KLHDC1: variants seen among roughly 807,000 people sequenced by gnomAD.
KLHDC1 encodes kelch domain-containing protein 1.
In KLHDC1, 53 loss-of-function variants were observed where a neutral mutation model predicts 68.3. The ratio of observed to expected loss-of-function variants is 0.78; its 90% CI spans 0.62 to 0.98. KLHDC1 has a LOEUF of 0.98. Ranked by LOEUF, KLHDC1 falls within the 50% of genes least tolerant of loss-of-function variation. The probability of loss-of-function intolerance (pLI) is 0.00; values close to 1 mark genes in which losing one functional copy is unlikely to be tolerated. For missense variants in KLHDC1, 470 were observed against 492.3 expected (o/e 0.95, Z 0.43); for synonymous variants, 148 against 159.0 (o/e 0.93, Z 0.52).
At chr14:49,747,757 A>G (rs972982672) in intron 12 of KLHDC1, among the ~76,000 whole-genome samples, 2 of 152,146 alleles carry the variant, frequency 1.3e-5, no homozygotes, top group East Asian at 3.9e-4. Flanking sequence ...GATATATAAC[A>G]AAGTAGCACG....
At chr14:49,709,071 T>G in intron 1 of KLHDC1, 88 bp from the exon 2 acceptor site, 1 of 627,604 alleles carries the variant, frequency 1.6e-6, no homozygotes, top group Non-Finnish European at 2.8e-6. Flanking sequence ...TTATAGTATT[T>G]TATTAGCAAT....
At chr14:49,741,001 C>A (rs1008079407) in intron 11 of KLHDC1, among the ~76,000 whole-genome samples, 3 of 151,784 alleles carry the variant, frequency 2.0e-5, no homozygotes, top group African/African-American at 7.3e-5. Context: ...GGCTGAGGCA[C>A]GAGAATCACT....
rs147258409 is a variant in KLHDC1 at position 49,718,534 on chromosome 14, G to A, written c.405-5340G>A. 3.0e-3 allele frequency among the ~76,000 whole-genome samples: 460 copies of A among 152,046 alleles called. 3 individuals are homozygous for A. The highest frequency in any genetic ancestry group is 9.1e-3 in the African/African-American group (378 of 41,468). ...GGACTCAGGCAATCTGCCTACCTCC[G>A]CCTCCCAAAGTGCTGGGATTACAGG... On this transcript the variant is annotated intron_variant, in intron 4 of 12. Coordinates refer to ENST00000359332, the MANE Select transcript of KLHDC1 (RefSeq NM_172193.3).
rs201507697 is a variant in KLHDC1, at chr14:49,740,166, T to G, written c.965T>G (p.Leu322Ter). ...GTATTTGGTGGGAGCAAAGATGACTTACTTGCCTTGGATACAGTAAGAAAA... is the reference window on the plus strand; with the variant it reads ...GTATTTGGTGGGAGCAAAGATGACTGACTTGCCTTGGATACAGTAAGAAAA... ...IMVFGGSKDD[L>*]LALDTGHCND... Residue 322 changes from leucine (L) to a stop codon, truncating the protein, a stop_gained, in exon 11 of 13, where the codon TTA (leucine) becomes TGA (stop). Transcript: ENST00000359332. LOFTEE classifies it high-confidence loss of function. 8 of 1,605,792 alleles carry G rather than the reference T, an allele frequency of 5.0e-6. No individual in the cohort carries two copies. Among genetic ancestry groups the G allele is most frequent in the African/African-American group, 2.7e-5 (2 of 74,728 alleles).
chr14:49,721,158 T>G (rs919559873), intron 4 of KLHDC1, among the ~76,000 whole-genome samples: 2 of 152,126 alleles, frequency 1.3e-5, no homozygotes, highest in African/African-American at 4.8e-5. Flanking sequence ...GCCACTTTTT[T>G]GTGCCTTTTG....
chr14:49,709,878 C>T (rs1181584606), intron 3 of KLHDC1, 52 bp downstream of exon 3: 7 of 804,278 alleles, frequency 8.7e-6, no homozygotes, highest in Non-Finnish European at 1.2e-5. Context: ...TTTAATGCAT[C>T]ATTTCATCTC....
chr14:49,718,738 T>A (rs1888442268), intron 4 of KLHDC1, among the ~76,000 whole-genome samples: 1 of 151,552 alleles, frequency 6.6e-6, no homozygotes. Context: ...CAACTTTTGT[T>A]TTGTTGTTTT....
chr14:49,712,157 A>G (rs903489717), intron 4 of KLHDC1, among the ~76,000 whole-genome samples: 11 of 151,870 alleles, frequency 7.2e-5, no homozygotes, highest in African/African-American at 2.7e-4. Flanking sequence ...TGACCTCGTG[A>G]TCCACCCGCT....
At chr14:49,748,791 G>T (rs953624778) in intron 12 of KLHDC1, among the ~76,000 whole-genome samples, 3 of 151,284 alleles carry the variant, frequency 2.0e-5, no homozygotes, top group African/African-American at 4.9e-5. Context: ...TATACTGAGA[G>T]AAATTTTTTT....
chr14:49,733,435 T>C (rs1359394338), intron 9 of KLHDC1, among the ~76,000 whole-genome samples: 4 of 151,260 alleles, frequency 2.6e-5, no homozygotes, highest in Admixed American at 6.6e-5. Flanking sequence ...CTTTTCTTTT[T>C]TTTTTTTTTT....
chr14:49,738,692 G>A (rs1263003099), intron 10 of KLHDC1, among the ~76,000 whole-genome samples: 1 of 152,060 alleles, frequency 6.6e-6, no homozygotes, highest in South Asian at 2.1e-4. Flanking sequence ...CAGCTACTGG[G>A]TACAGAACAC....
At chr14:49,749,655 G>A (rs189484235) in intron 12 of KLHDC1, among the ~76,000 whole-genome samples, 6 of 134,242 alleles carry the variant, frequency 4.5e-5, no homozygotes, top group East Asian at 2.2e-4. Flanking sequence ...TCCAGCCTGC[G>A]CAACAGAGTG....
intron 4 of KLHDC1, among the ~76,000 whole-genome samples, chr14:49,718,769 CTTTTTTTTTTTTTTTT>C (rs71115397): frequency 2.6e-5 from 2 of 76,846 alleles, no homozygotes; most frequent in Admixed American, 1.8e-4. Flanking sequence ...TTCTTTCTTT[CTTTTTTTTTTTTTTTT>C]TTTTTTTTTG....
intron 6 of KLHDC1, among the ~76,000 whole-genome samples, chr14:49,727,822 G>A (rs1949525164): frequency 6.6e-6 from 1 of 152,164 alleles, no homozygotes. Flanking sequence ...AAAAGTTTAG[G>A]AAGTTATGAT....
At chr14:49,712,320 T>C (rs1252353060) in intron 4 of KLHDC1, among the ~76,000 whole-genome samples, 1 of 152,200 alleles carries the variant, frequency 6.6e-6, no homozygotes, top group Non-Finnish European at 1.5e-5. Context: ...AACCATGTCA[T>C]TTGGCTATAG....
rs977832912 is a variant in KLHDC1 at position 49,752,435 on chromosome 14, A to G, written c.*663A>G. 6.6e-6 allele frequency: 1 copy of G among 152,572 alleles called. No individual in the cohort carries two copies. The highest frequency in any genetic ancestry group is 2.4e-5 in the African/African-American group (1 of 41,472). 9.5% of individuals were successfully genotyped at this position (152,572 alleles called of 1,614,324 possible). ...ATTAGTTTGTCTAGTTTATATATAA[A>G]GACCATGTTTTAAAGTACATAAAGT... is the stretch of plus-strand genomic sequence containing the variant. On this transcript the variant is annotated 3_prime_UTR_variant, in exon 13 of 13. Transcript: ENST00000359332.
intron 1 of KLHDC1, among the ~76,000 whole-genome samples, 199 bp downstream of exon 1, chr14:49,693,489 A>G (rs150195421): frequency 2.6e-5 from 4 of 151,818 alleles, no homozygotes; most frequent in African/African-American, 4.8e-5. Context: ...TGCTTCTTCT[A>G]TTAAAGCCTC....
chr14:49,743,844 T>G, intron 12 of KLHDC1, 39 bp downstream of exon 12: 2 of 1,158,208 alleles, frequency 1.7e-6, no homozygotes, highest in Non-Finnish European at 2.5e-6. Context: ...TTGCTATGAG[T>G]ATATGATAAT....
intron 8 of KLHDC1, among the ~76,000 whole-genome samples, chr14:49,732,380 C>G (rs1285651898): frequency 6.6e-6 from 1 of 152,012 alleles, no homozygotes; most frequent in Non-Finnish European, 1.5e-5. Context: ...ACCATGCTGC[C>G]CAGTCTGGTC....
Sources: allele counts gnomAD v4.1 joint callset (sites outside exome capture counted in the v4.1 genomes callset), GRCh38; gene constraint gnomAD v4.1.1; transcripts MANE v1.5; gene names NCBI Gene and HGNC (gene_info 2026-07-23, HGNC 2026-07-21).